SYTL3: variants seen among roughly 807,000 people sequenced by gnomAD.
SYTL3 encodes the protein synaptotagmin-like protein 3.
Under a neutral mutation model 82.1 loss-of-function variants are expected in SYTL3, and 88 were observed. The ratio of observed to expected loss-of-function variants is 1.07; its 90% CI spans 0.90 to 1.28. SYTL3 has a LOEUF of 1.28. Ranked by LOEUF, SYTL3 falls within the 50% of genes most tolerant of loss-of-function variation. The pLI, the probability that SYTL3 is intolerant of heterozygous loss-of-function variation, is 0.00. For synonymous variants in SYTL3, 311 were observed against 289.4 expected, an observed-to-expected ratio of 1.07 and a Z score of -0.76; for missense variants, 831 against 757.6, an observed-to-expected ratio of 1.10 and a Z score of -1.14.
chr6:158,744,361 C>T (rs1240746572), intron 11 of SYTL3, among the ~76,000 whole-genome samples: 2 of 128,886 alleles, frequency 1.6e-5, no homozygotes, highest in Non-Finnish European at 3.1e-5. Flanking sequence ...GACTGGAGTG[C>T]AGTGGGGCAC....
At chr6:158,681,931 A>G (rs1318927913) in intron 5 of SYTL3, among the ~76,000 whole-genome samples, 2 of 152,216 alleles carry the variant, frequency 1.3e-5, no homozygotes, top group Non-Finnish European at 2.9e-5. Context: ...TTGACATGAT[A>G]CATTGGTCAT....
At chr6:158,668,448 C>G (rs903928607) in intron 5 of SYTL3, among the ~76,000 whole-genome samples, 1 of 152,120 alleles carries the variant, frequency 6.6e-6, no homozygotes, top group Admixed American at 6.5e-5. Flanking sequence ...AGGCTGGCCT[C>G]GAATTCCTGA....
chr6:158,714,283 C>A (rs568329995), intron 9 of SYTL3, among the ~76,000 whole-genome samples: 1 of 151,300 alleles, frequency 6.6e-6, no homozygotes, highest in African/African-American at 2.4e-5. Context: ...ACCCAGGAGG[C>A]GGAGGTTGCA....
rs1251428480 is a variant in SYTL3, at chr6:158,663,231, A to T, written c.-38A>T. 10 of 1,600,338 alleles carry T rather than the reference A, an allele frequency of 6.2e-6. No individual in the cohort carries two copies. Among genetic ancestry groups the T allele is most frequent in the Non-Finnish European group, 8.6e-6 (10 of 1,167,776 alleles). On this transcript the variant is annotated 5_prime_UTR_variant, in exon 4 of 18. An upstream open reading frame in the 5' UTR loses its in-frame stop. Coordinates refer to ENST00000611299, the MANE Select transcript of SYTL3 (RefSeq NM_001242394.2). ...GCGTGAGCGCTTGGTCCATGCAGTG[A>T]AGCTCTTCCAACCTGGGTCAACGAA...
intron 5 of SYTL3, among the ~76,000 whole-genome samples, chr6:158,680,210 A>G (rs1047806708): frequency 7.9e-5 from 12 of 152,148 alleles, no homozygotes; most frequent in African/African-American, 2.9e-4. Flanking sequence ...TTTACCACCC[A>G]TGACTCCCTC....
At position 158,725,561 on chromosome 6, in the gene SYTL3, C is replaced by G. The variant is rs1583384432; in HGVS notation, c.779C>G (p.Thr260Ser). ...PLNQEDPKCS[T>S]NPILKQQNLP... is the part of the protein sequence containing the mutation. ...AATCAAGAGGATCCCAAATGCTCTA[C>G]TAACCCTATTTTGAAGCAACAGAAT... Residue 260 changes from threonine to serine, a missense_variant, in exon 11 of 18, where the codon ACT (threonine) becomes AGT (serine). Physicochemically the swap from Thr to Ser is moderately conservative, Grantham distance 58 (BLOSUM62 1). Transcript: ENST00000611299. 1 of 1,614,228 alleles carries G rather than the reference C, an allele frequency of 6.2e-7. No homozygotes were observed. The highest frequency in any genetic ancestry group is 8.5e-7 in the Non-Finnish European group (1 of 1,180,032).
chr6:158,652,649 A>G (rs574849644), intron 2 of SYTL3, among the ~76,000 whole-genome samples: 52 of 152,076 alleles, frequency 3.4e-4, no homozygotes, highest in Non-Finnish European at 5.0e-4. Context: ...GGTTCAAACA[A>G]TTCTGTCTCA....
At chr6:158,689,622 A>T (rs922978242) in intron 6 of SYTL3, among the ~76,000 whole-genome samples, 1 of 150,296 alleles carries the variant, frequency 6.7e-6, no homozygotes, top group African/African-American at 2.4e-5. Context: ...TTAAATATCC[A>T]CATTAATTTT....
Position 158,762,123 on chromosome 6 carries a change from G to T in SYTL3, c.1462G>T (p.Gly488Ter). Reference sequence around the variant, plus strand: ...TGGTCAACTTTGTTTGGTAGTGCTAGGAGCCAAGAATTTACCTGTGCGGCC... The same window carrying T: ...TGGTCAACTTTGTTTGGTAGTGCTATGAGCCAAGAATTTACCTGTGCGGCC... Reference protein sequence around the residue: ...LHGQLCLVVLGAKNLPVRPDG... With the variant: ...LHGQLCLVVL The change falls in exon 16 of 18, where the codon GGA (glycine) becomes TGA (stop). Residue 488 changes from glycine (G) to a stop codon, truncating the protein, a stop_gained. Transcript: ENST00000611299. LOFTEE classifies it high-confidence loss of function. The T allele has an allele frequency of 6.2e-7, 1 of 1,613,988 alleles. No individual in the cohort carries two copies. Among genetic ancestry groups the T allele is most frequent in the Non-Finnish European group, 8.5e-7 (1 of 1,179,988 alleles).
At position 158,764,616 on chromosome 6, in the gene SYTL3, C is replaced by T. The variant is rs578162175; in HGVS notation, c.*12C>T. Reference sequence around the variant, plus strand: ...TTGTCCTGCACTGACATGAAGGCCTCAAGGTTCCAGGTTGCAGCAGGCGTG... The same window carrying T: ...TTGTCCTGCACTGACATGAAGGCCTTAAGGTTCCAGGTTGCAGCAGGCGTG... On this transcript the variant is annotated 3_prime_UTR_variant, in exon 18 of 18. Transcript: ENST00000611299. 3.8e-6 allele frequency: 6 copies of T among 1,599,658 alleles called. No homozygotes were observed. The East Asian group carries it at 8.9e-5, about 24-fold the overall frequency.
intron 6 of SYTL3, among the ~76,000 whole-genome samples, chr6:158,696,577 G>T (rs1780584833): frequency 6.6e-6 from 1 of 151,844 alleles, no homozygotes; most frequent in Non-Finnish European, 1.5e-5. Context: ...GTGGTATCTT[G>T]TTGTGGCTTT....
At chr6:158,659,399 A>G (rs1407969948) in intron 2 of SYTL3, among the ~76,000 whole-genome samples, 1 of 152,110 alleles carries the variant, frequency 6.6e-6, no homozygotes, top group African/African-American at 2.4e-5. Context: ...CTTGTTGCCC[A>G]GGCTGGAGTG....
intron 9 of SYTL3, among the ~76,000 whole-genome samples, chr6:158,717,844 G>A (rs1783604522): frequency 6.6e-6 from 1 of 152,134 alleles, no homozygotes; most frequent in Non-Finnish European, 1.5e-5. Flanking sequence ...GGCCTGGGTG[G>A]CCACAGCGGG....
chr6:158,727,307 G>A (rs1402758882), intron 11 of SYTL3, among the ~76,000 whole-genome samples: 1 of 150,714 alleles, frequency 6.6e-6, no homozygotes, highest in Non-Finnish European at 1.5e-5. Flanking sequence ...GAGTAGCTGG[G>A]ATTACAGGCG....
chr6:158,731,113 T>G (rs1052947008), intron 11 of SYTL3, among the ~76,000 whole-genome samples: 1 of 150,624 alleles, frequency 6.6e-6, no homozygotes, highest in Admixed American at 6.6e-5. Context: ...TGAAACCATG[T>G]CTCTACTAAA....
rs771127157 is a variant in SYTL3 at position 158,745,529 on chromosome 6, AC to A, written c.906del (p.Asp302GlufsTer9). On this transcript the variant is annotated frameshift_variant, in exon 12 of 18. Transcript: ENST00000611299. LOFTEE classifies it high-confidence loss of function. ...DSTCTEMGNF[D>X]NANVTGEIEF... ...ACCTGTACAGAGATGGGCAATTTTG[AC>A]AATGCTAATGTCACTGGAGAAATAG... is the stretch of plus-strand genomic sequence containing the variant. The A allele has an allele frequency of 2.0e-5, 32 of 1,613,414 alleles. 1 individual carries two copies. The highest frequency in any genetic ancestry group is 1.6e-4 in the Middle Eastern group (1 of 6,080).
At chr6:158,651,057 G>A (rs946911382) in intron 1 of SYTL3, among the ~76,000 whole-genome samples, 8 of 152,184 alleles carry the variant, frequency 5.3e-5, no homozygotes, top group South Asian at 4.1e-4. Flanking sequence ...TAAGGTTTTG[G>A]AGTTAAACAG....
At chr6:158,751,823 C>A in intron 12 of SYTL3, 105 bp from the exon 13 acceptor site, 1 of 822,688 alleles carries the variant, frequency 1.2e-6, no homozygotes, top group Non-Finnish European at 1.8e-6. Context: ...CAGCAGGAAG[C>A]CTGGTAAAGA....
intron 5 of SYTL3, among the ~76,000 whole-genome samples, chr6:158,672,603 CTTTT>C (rs1293908842): frequency 7.4e-6 from 1 of 134,442 alleles, no homozygotes; most frequent in Non-Finnish European, 1.6e-5. Context: ...TCTTTTAAAA[CTTTT>C]TATTTAGTTG....
Sources: gnomAD v4.1 joint callset for allele counts (sites outside exome capture counted in the v4.1 genomes callset) on GRCh38, gnomAD v4.1.1 for gene constraint, MANE v1.5 for transcripts, NCBI Gene and HGNC (gene_info 2026-07-23, HGNC 2026-07-21) for gene names.